NEO1: variants seen among roughly 807,000 people sequenced by gnomAD.
NEO1 encodes neogenin 1, also known as neogenin.
In NEO1, 63 loss-of-function variants were observed where a neutral mutation model predicts 159.7. That is an observed-to-expected ratio of 0.39 (90% CI 0.32 to 0.49). The LOEUF (loss-of-function observed/expected upper bound fraction) is 0.49. NEO1 is among the 20% of genes least tolerant of loss of function. The probability of loss-of-function intolerance (pLI) is 0.85; values close to 1 mark genes in which losing one functional copy is unlikely to be tolerated. For synonymous variants in NEO1, 633 were observed against 662.0 expected (o/e 0.96, Z 0.67); for missense variants, 1,615 against 1,831.0 (o/e 0.88, Z 2.15).
intron 5 of NEO1, among the ~76,000 whole-genome samples, chr15:73,165,929 G>GA (rs2034541882): frequency 6.6e-6 from 1 of 152,198 alleles, no homozygotes; most frequent in African/African-American, 2.4e-5. Context: ...ACATGTGTCA[G>GA]GAGACGGGAT....
At position 73,141,683 on chromosome 15, in the gene NEO1, A is replaced by G. The variant is rs149698924; in HGVS notation, c.1015+5656A>G. On this transcript the variant is annotated intron_variant, in intron 5 of 28. Coordinates refer to ENST00000261908, the MANE Select transcript of NEO1 (RefSeq NM_002499.4). ...ACTGTCTTTCCTTAAGCCACAGCCTATGTCACTCTACTTCTTTGACTCTTC... is the reference window on the plus strand; with the variant it reads ...ACTGTCTTTCCTTAAGCCACAGCCTGTGTCACTCTACTTCTTTGACTCTTC... 7.7e-4 allele frequency among the ~76,000 whole-genome samples: 118 copies of G among 152,298 alleles called. 1 individual carries two copies. Among genetic ancestry groups the G allele is most frequent in the African/African-American group, 2.7e-3 (113 of 41,570 alleles).
intron 1 of NEO1, among the ~76,000 whole-genome samples, chr15:73,079,785 T>C (rs1050971191): frequency 2.0e-5 from 3 of 152,146 alleles, no homozygotes; most frequent in African/African-American, 7.2e-5. Context: ...CAGGAAGTTA[T>C]TAGGAAATGA....
chr15:73,251,750 G>A (rs1046618158), intron 11 of NEO1, among the ~76,000 whole-genome samples: 1 of 152,108 alleles, frequency 6.6e-6, no homozygotes, highest in Non-Finnish European at 1.5e-5. Context: ...ATGGTGGCTA[G>A]GGGCAGCACT....
chr15:73,123,475 T>TTAACACCATG (rs1469259609), intron 3 of NEO1, among the ~76,000 whole-genome samples: 4 of 152,292 alleles, frequency 2.6e-5, no homozygotes, highest in Non-Finnish European at 5.9e-5. Flanking sequence ...GGTTGGGTGG[T>TTAACACCATG]AAGTGTTAAC....
chr15:73,139,498 G>A lies in NEO1; in HGVS notation c.1015+3471G>A, dbSNP rs149380571. 6.2e-3 allele frequency among the ~76,000 whole-genome samples: 937 copies of A among 152,272 alleles called. 14 individuals are homozygous for A. The highest frequency in any genetic ancestry group is 0.048 in the East Asian group (249 of 5,180). On this transcript the variant is annotated intron_variant, in intron 5 of 28. Transcript: ENST00000261908. ...AAAACAAACATTCAAAACAGAGAAT[G>A]TCAGCAAAGCCAAAAGTTGGTTCTT...
At chr15:73,189,513 CTT>C (rs985522801) in intron 7 of NEO1, among the ~76,000 whole-genome samples, 118 of 151,130 alleles carry the variant, frequency 7.8e-4, no homozygotes, top group African/African-American at 2.8e-3. Flanking sequence ...AAATCAATCT[CTT>C]GTGATGGTGC....
intron 5 of NEO1, among the ~76,000 whole-genome samples, chr15:73,161,258 C>T (rs1348318149): frequency 5.3e-5 from 8 of 152,114 alleles, no homozygotes; most frequent in Middle Eastern, 3.2e-3. Context: ...ATTTTTGATA[C>T]GTATGGAATT....
intron 5 of NEO1, among the ~76,000 whole-genome samples, chr15:73,156,732 T>C (rs2033807633): frequency 6.6e-6 from 1 of 152,146 alleles, no homozygotes; most frequent in Non-Finnish European, 1.5e-5. Context: ...GTGTCCCAGA[T>C]GGTGGATTGA....
chr15:73,168,433 C>T lies in NEO1; in HGVS notation c.1016-7970C>T, dbSNP rs150989038. Among the ~76,000 whole-genome samples the T allele has an allele frequency of 1.6e-3, 245 of 150,862 alleles. 1 individual carries two copies. Among genetic ancestry groups the T allele is most frequent in the African/African-American group, 5.8e-3 (238 of 40,998 alleles). ...AGGTTGGTCTCGAACTCCTGACCTC[C>T]AGTGATCCACCTGACTTGGCCTCCC... On this transcript the variant is annotated intron_variant, in intron 5 of 28. Coordinates refer to ENST00000261908, the MANE Select transcript of NEO1 (RefSeq NM_002499.4).
intron 16 of NEO1, among the ~76,000 whole-genome samples, chr15:73,268,647 C>T (rs1290364976): frequency 6.6e-6 from 1 of 152,176 alleles, no homozygotes; most frequent in East Asian, 1.9e-4. Context: ...GTAATAAGGG[C>T]TAGTCACCAT....
intron 1 of NEO1, among the ~76,000 whole-genome samples, chr15:73,106,685 G>A (rs1298551626): frequency 1.3e-5 from 2 of 152,128 alleles, no homozygotes; most frequent in African/African-American, 4.8e-5. Flanking sequence ...TCACCAGCTG[G>A]CATCATGACT....
At chr15:73,292,153 A>T (rs745385205) in intron 25 of NEO1, among the ~76,000 whole-genome samples, 7 of 152,184 alleles carry the variant, frequency 4.6e-5, no homozygotes, top group Non-Finnish European at 7.3e-5. Context: ...CAAGGGTCCC[A>T]GTCATGCCAC....
chr15:73,244,410 G>T lies in NEO1; in HGVS notation c.1518G>T (p.Ala506=), dbSNP rs1172237081. 2.5e-6 allele frequency: 4 copies of T among 1,613,954 alleles called. No homozygotes were observed. Among genetic ancestry groups the T allele is most frequent in the Middle Eastern group, 3.3e-4 (2 of 6,060 alleles). The change falls in exon 9 of 29, where the codon GCG becomes GCT. Residue 506 remains alanine, a synonymous_variant. Transcript: ENST00000261908. ...MQVTIQNLMP[A]TVYIFRVMAQ... is the part of the protein sequence containing the mutation. Reference sequence around the variant, plus strand: ...TAACCATTCAAAACCTAATGCCAGCGACCGTGTACATCTTTAGAGTTATGG... The same window carrying T: ...TAACCATTCAAAACCTAATGCCAGCTACCGTGTACATCTTTAGAGTTATGG...
upstream of NEO1, chr15:73,052,415 C>CG (rs997815151): frequency 1.2e-5 from 1 of 82,242 alleles, no homozygotes; most frequent in Non-Finnish European, 3.3e-5. Flanking sequence ...ACCCACCGCC[C>CG]CCCCCCCCCC....
chr15:73,302,530 A>G (rs1224766000), intron 28 of NEO1, 83 bp from the exon 29 acceptor site: 1 of 1,281,204 alleles, frequency 7.8e-7, no homozygotes. Flanking sequence ...TACTGACCAC[A>G]TGAGGCTTTG....
chr15:73,075,506 C>G (rs139229418), intron 1 of NEO1, among the ~76,000 whole-genome samples: 2 of 152,112 alleles, frequency 1.3e-5, no homozygotes, highest in East Asian at 1.9e-4. Flanking sequence ...TGATCCATCA[C>G]GAGGCAGACA....
intron 27 of NEO1, among the ~76,000 whole-genome samples, chr15:73,300,282 A>G (rs2042560581): frequency 6.6e-6 from 1 of 152,244 alleles, no homozygotes; most frequent in Non-Finnish European, 1.5e-5. Flanking sequence ...GGCAAGAAAC[A>G]CTATCCATTG....
intron 7 of NEO1, among the ~76,000 whole-genome samples, chr15:73,212,161 A>T (rs2037618735): frequency 6.6e-6 from 1 of 152,116 alleles, no homozygotes; most frequent in African/African-American, 2.4e-5. Flanking sequence ...AGCCTCTCTG[A>T]TTTATTTAGT....
chr15:73,120,182 AATAG>A (rs2071560413), intron 2 of NEO1, among the ~76,000 whole-genome samples: 3 of 151,868 alleles, frequency 2.0e-5, no homozygotes, highest in Admixed American at 2.0e-4. Context: ...ATTTAATTAA[AATAG>A]AACCATATTT....
Sources: allele counts gnomAD v4.1 joint callset (sites outside exome capture counted in the v4.1 genomes callset), GRCh38; gene constraint gnomAD v4.1.1; transcripts MANE v1.5; gene names NCBI Gene and HGNC (gene_info 2026-07-23, HGNC 2026-07-21).